The following AHNAK variants were observed in gnomAD, a reference collection of about 807,000 sequenced individuals.
The protein encoded by AHNAK is AHNAK nucleoprotein.
A neutral mutation model predicts 37.8 loss-of-function variants in AHNAK; 23 were observed. That is an observed-to-expected ratio of 0.61 (90% CI 0.44 to 0.86). The LOEUF (loss-of-function observed/expected upper bound fraction) is 0.86. AHNAK is among the 40% of genes least tolerant of loss of function. The probability of loss-of-function intolerance (pLI) is 0.00; values close to 1 mark genes in which losing one functional copy is unlikely to be tolerated. For synonymous variants in AHNAK, 2,481 were observed against 2,636.3 expected (o/e 0.94, Z 1.80); for missense variants, 7,411 against 7,319.4 (o/e 1.01, Z -0.46).
intron 4 of AHNAK, among the ~76,000 whole-genome samples, chr11:62,534,699 A>G (rs1478426999): frequency 2.6e-5 from 4 of 152,146 alleles, no homozygotes; most frequent in African/African-American, 4.8e-5. Context: ...AAGTCATTTC[A>G]AAGATTCTTG....
intron 4 of AHNAK, among the ~76,000 whole-genome samples, chr11:62,496,339 G>T (rs1369940479): frequency 1.3e-5 from 2 of 152,124 alleles, no homozygotes; most frequent in Non-Finnish European, 2.9e-5. Flanking sequence ...AGGTGCTGTT[G>T]CAATTCAATC....
At chr11:62,446,810 C>A (rs1205822167) in intron 5 of AHNAK, among the ~76,000 whole-genome samples, 1 of 152,020 alleles carries the variant, frequency 6.6e-6, no homozygotes, top group Non-Finnish European at 1.5e-5. Flanking sequence ...ATTATCCCAT[C>A]TTGCTTCAAA....
rs376177218 is a variant in AHNAK, at chr11:62,543,048, G to A, written c.-100+3612C>T. On this transcript the variant is annotated intron_variant, in intron 1 of 4. Transcript: ENST00000378024. ...GGACACGTAGCTGTAGACGGGATCA[G>A]CTCCAGGCACTTCCCCTTCCCCCAG... is the stretch of plus-strand genomic sequence containing the variant. 9.7e-4 allele frequency among the ~76,000 whole-genome samples: 147 copies of A among 152,206 alleles called. 1 individual carries two copies. In the South Asian group the frequency reaches 0.027, roughly 28 times the overall value.
intron 1 of AHNAK, among the ~76,000 whole-genome samples, chr11:62,546,367 G>C (rs1941312522): frequency 6.6e-6 from 1 of 152,268 alleles, no homozygotes; most frequent in South Asian, 2.1e-4. Context: ...GGGGCGCCCT[G>C]CCTTGCAGTG....
chr11:62,473,127 T>A (rs1167428004), intron 5 of AHNAK, among the ~76,000 whole-genome samples: 6 of 106,604 alleles, frequency 5.6e-5, no homozygotes, highest in African/African-American at 2.2e-4. Flanking sequence ...CCAGGTGCGG[T>A]GGCTCATGTC....
At chr11:62,463,172 C>G (rs1158476679) in intron 5 of AHNAK, among the ~76,000 whole-genome samples, 2 of 150,922 alleles carry the variant, frequency 1.3e-5, no homozygotes, top group Non-Finnish European at 2.9e-5. Flanking sequence ...TCTCCATCTG[C>G]CAGTCCTACA....
rs1368524596 is a variant in AHNAK, at chr11:62,517,038, G to A, written c.17379C>T (p.Ser5793=). ...FSDEREFSGP[S]TPTGTLEFEG... ...CAAACTCCAGCGTCCCCGTCGGGGTGGAAGGTCCAGAGAACTCTCTTTCAT... is the reference window on the plus strand; with the variant it reads ...CAAACTCCAGCGTCCCCGTCGGGGTAGAAGGTCCAGAGAACTCTCTTTCAT... The change falls in exon 5 of 5, where the codon TCC becomes TCT. Residue 5793 remains serine (S), a synonymous_variant. Transcript: ENST00000378024. The A allele has an allele frequency of 2.5e-6, 4 of 1,614,092 alleles. No individual in the cohort carries two copies. Among genetic ancestry groups the A allele is most frequent in the East Asian group, 2.2e-5 (1 of 44,896 alleles).
At chr11:62,440,111 G>A (rs1412572059) in intron 5 of AHNAK, among the ~76,000 whole-genome samples, 4 of 152,142 alleles carry the variant, frequency 2.6e-5, no homozygotes, top group Admixed American at 6.6e-5. Flanking sequence ...CAGCTATTGC[G>A]ATTTCTCTCC....
chr11:62,489,806 G>A (rs1449954485), intron 5 of AHNAK, among the ~76,000 whole-genome samples: 2 of 152,022 alleles, frequency 1.3e-5, no homozygotes, highest in Admixed American at 1.3e-4. Flanking sequence ...ACAGGTCCTT[G>A]GGAAATTCTG....
Position 62,529,812 on chromosome 11 carries a change from G to A in AHNAK, c.4605C>T (p.Pro1535=), listed in dbSNP as rs550431902. 75 of 1,613,828 alleles carry A rather than the reference G, an allele frequency of 4.6e-5. No homozygotes were observed. Among genetic ancestry groups the A allele is most frequent in the Non-Finnish European group, 6.3e-5 (74 of 1,179,946 alleles). The change falls in exon 5 of 5, where the codon CCC becomes CCT. Residue 1535 remains proline (P), a synonymous_variant. Transcript: ENST00000378024. Reference sequence around the variant, plus strand: ...GTCCTGAAACACCAAGGTCAGCCTTGGGCAGGTTCATATCCACCTCTGGGC... The same window carrying A: ...GTCCTGAAACACCAAGGTCAGCCTTAGGCAGGTTCATATCCACCTCTGGGC... ...GEGPEVDMNL[P]KADLGVSGPK... is the part of the protein sequence containing the mutation.
chr11:62,529,383 T>C lies in AHNAK; in HGVS notation c.5034A>G (p.Val1678=). 2 of 1,613,682 alleles carry C rather than the reference T, an allele frequency of 1.2e-6. No individual in the cohort carries two copies. The highest frequency in any genetic ancestry group is 1.7e-6 in the Non-Finnish European group (2 of 1,179,926). The change falls in exon 5 of 5, where the codon GTA becomes GTG. Residue 1678 remains valine (V), a synonymous_variant. Transcript: ENST00000378024. ...CATCTGGCACTTTCATTTCACCTTC[T>C]ACCTTGGGCACAGACACATCCATAT... is the stretch of plus-strand genomic sequence containing the variant. ...KGDMDVSVPK[V]EGEMKVPDVD...
intron 5 of AHNAK, among the ~76,000 whole-genome samples, chr11:62,469,549 C>A (rs1371743811): frequency 6.6e-6 from 1 of 152,006 alleles, no homozygotes; most frequent in Admixed American, 6.6e-5. Context: ...ACTGTAACCT[C>A]CGCCTCCCAG....
At chr11:62,476,475 A>G (rs1939149290) in intron 5 of AHNAK, among the ~76,000 whole-genome samples, 1 of 150,758 alleles carries the variant, frequency 6.6e-6, no homozygotes, top group Admixed American at 6.6e-5. Context: ...ACAATGACCA[A>G]TTGAGAGAAA....
At chr11:62,486,224 CA>C (rs1043014471) in intron 5 of AHNAK, among the ~76,000 whole-genome samples, 8 of 151,990 alleles carry the variant, frequency 5.3e-5, no homozygotes, top group African/African-American at 1.9e-4. Context: ...CCTGTAATCC[CA>C]GCACTTTGGG....
intron 1 of AHNAK, among the ~76,000 whole-genome samples, chr11:62,540,201 C>G (rs1941079709): frequency 6.6e-6 from 1 of 152,232 alleles, no homozygotes; most frequent in African/African-American, 2.4e-5. Flanking sequence ...TTGTGCCACC[C>G]AACGCAGCAG....
In AHNAK at chr11:62,531,835, A is replaced by T. The variant is rs781779428; in HGVS notation, c.2582T>A (p.Ile861Asn). The T allele has an allele frequency of 3.1e-6, 5 of 1,613,490 alleles. No homozygotes were observed. In the Admixed American group the frequency reaches 6.7e-5, roughly 22 times the overall value. Residue 861 changes from isoleucine to asparagine, a missense_variant, in exon 5 of 5, where the codon ATT (isoleucine) becomes AAT (asparagine). Coordinates refer to ENST00000378024, the MANE Select transcript of AHNAK (RefSeq NM_001620.3). ...DVELKSAKMDIDVPDVEVQGP... is the reference protein window; with the variant it reads ...DVELKSAKMDNDVPDVEVQGP... ...TTGAACCTCCACATCTGGGACATCA[A>T]TGTCCATTTTGGCACTTTTAAGTTC...
intron 5 of AHNAK, among the ~76,000 whole-genome samples, chr11:62,478,529 G>C (rs1939195944): frequency 1.3e-5 from 2 of 152,036 alleles, no homozygotes; most frequent in Non-Finnish European, 2.9e-5. Context: ...GAGATTGCTT[G>C]AGCCCAGGAG....
chr11:62,498,451 G>GTGTAATTATAATTACACTATATA (rs1939654228), intron 4 of AHNAK, among the ~76,000 whole-genome samples: 1 of 146,074 alleles, frequency 6.8e-6, no homozygotes, highest in Admixed American at 6.8e-5. Context: ...TACACTATAT[G>GTGTAATTATAATTACACTATATA]GTGTAATTAA....
At chr11:62,502,080 C>G (rs1276488309) in intron 4 of AHNAK, among the ~76,000 whole-genome samples, 1 of 152,202 alleles carries the variant, frequency 6.6e-6, no homozygotes, top group Non-Finnish European at 1.5e-5. Flanking sequence ...CTCCTTCACT[C>G]CCTCTTCCTC....
Sources: allele counts gnomAD v4.1 joint callset (sites outside exome capture counted in the v4.1 genomes callset), GRCh38; gene constraint gnomAD v4.1.1; transcripts MANE v1.5; gene names NCBI Gene and HGNC (gene_info 2026-07-23, HGNC 2026-07-21).